PHKA2: variants seen among roughly 807,000 people sequenced by gnomAD.
The protein encoded by PHKA2 is phosphorylase b kinase regulatory subunit alpha, liver isoform.
PHKA2 carries 31 observed loss-of-function variants against 102.0 expected under a neutral mutation model. The observed-to-expected ratio is 0.30, with a 90% CI of 0.23 to 0.41. The LOEUF is 0.41. Among genes scored for constraint, PHKA2 ranks in the 10% least tolerant of loss-of-function variants. The pLI is 1.00. For missense variants in PHKA2, 858 were observed against 1,023.1 expected, an observed-to-expected ratio of 0.84 and a Z score of 2.20; for synonymous variants, 455 against 416.2, an observed-to-expected ratio of 1.09 and a Z score of -1.13.
intron 29 of PHKA2, among the ~76,000 whole-genome samples, chrX:18,898,726 T>C (rs900857939): frequency 3.6e-5 from 4 of 112,196 alleles, no homozygotes; most frequent in Non-Finnish European, 7.5e-5. Flanking sequence ...ATCCGGGCCC[T>C]CCAGTTTCAG....
chrX:18,976,626 T>C (rs775962351), intron 1 of PHKA2, among the ~76,000 whole-genome samples: 3 of 112,003 alleles, frequency 2.7e-5, no homozygotes, highest in African/African-American at 6.5e-5. Flanking sequence ...TCAATTTTAT[T>C]ATTATTGTTC....
chrX:18,957,655 T>C (rs1210450709), intron 1 of PHKA2, among the ~76,000 whole-genome samples: 1 of 107,945 alleles, frequency 9.3e-6, no homozygotes, highest in Non-Finnish European at 1.9e-5. Flanking sequence ...CTTGGTTCCC[T>C]CCTCCCCTCA....
chrX:18,904,409 T>A (rs758475863), intron 26 of PHKA2, among the ~76,000 whole-genome samples: 1 of 112,823 alleles, frequency 8.9e-6, no homozygotes, highest in East Asian at 2.8e-4. Context: ...AAAGACAGCA[T>A]GTCTTCTGCT....
chrX:18,983,845 C>T lies in PHKA2; in HGVS notation c.78+10G>A, dbSNP rs757929891. ...GTTCCACGCGTTCCCTGGGGGCGGT[C>T]CCTCCTTACCTGGTAACACAGGATG... On this transcript the variant is annotated intron_variant, in intron 1 of 32. Transcript: ENST00000379942. 1.2e-4 allele frequency: 140 copies of T among 1,199,951 alleles called. No homozygotes were observed. The highest frequency in any genetic ancestry group is 1.5e-4 in the Non-Finnish European group (135 of 885,386).
At chrX:18,899,935 C>T (rs1047853632) in intron 28 of PHKA2, among the ~76,000 whole-genome samples, 5 of 111,866 alleles carry the variant, frequency 4.5e-5, no homozygotes, top group African/African-American at 3.3e-5. Flanking sequence ...CCCCGTAACA[C>T]GCAAGAACAG....
chrX:18,918,311 GTACA>G (rs1336168217), intron 19 of PHKA2, among the ~76,000 whole-genome samples: 1 of 112,582 alleles, frequency 8.9e-6, no homozygotes, highest in Non-Finnish European at 1.9e-5. Flanking sequence ...AAATATTTGT[GTACA>G]TACAATGATA....
intron 5 of PHKA2, among the ~76,000 whole-genome samples, chrX:18,945,927 C>CT (rs947320262): frequency 1.9e-4 from 21 of 109,873 alleles, no homozygotes; most frequent in African/African-American, 5.3e-4. Flanking sequence ...TTCTTTTTTT[C>CT]TTTTTTTTTA....
Position 18,920,043 on chromosome X carries a change from G to T in PHKA2, c.1952C>A (p.Thr651Asn), listed in dbSNP as rs149991825. Reference protein sequence around the residue: ...DSDLVGYLEDTCNQESQDELD... With the variant: ...DSDLVGYLEDNCNQESQDELD... ...ATTCCAAGCTGTACCTTGATTACAG[G>T]TGTCTTCCAGATATCCTACCAAATC... Residue 651 changes from threonine to asparagine, a missense_variant, in exon 18 of 33, where the codon ACC (threonine) becomes AAC (asparagine). By Grantham distance (65) the Thr-to-Asn change is moderately conservative (BLOSUM62 0). Coordinates refer to ENST00000379942, the MANE Select transcript of PHKA2 (RefSeq NM_000292.3). 3.4e-3 allele frequency: 4,037 copies of T among 1,200,405 alleles called. 22 individuals carry two copies. The highest frequency in any genetic ancestry group is 0.025 in the Admixed American group (1,146 of 45,757).
At position 18,895,240 on chromosome X, in the gene PHKA2, GCACATGCATGCACA is replaced by G. The variant is rs766630197; in HGVS notation, c.3283-63_3283-50del. 2.8e-6 allele frequency: 3 copies of G among 1,065,381 alleles called. No homozygotes were observed. The Admixed American group carries it at 6.5e-5, about 23-fold the overall frequency. The allele number at this position is 1,065,381 out of a possible 1,213,427, so 87.8% of individuals were successfully genotyped here. A position where few individuals can be genotyped will look rare whatever the true frequency, so the allele number is the denominator to read the frequency against. ...TCAGTCAGATTCCAGAATGGGATAA[GCACATGCATGCACA>G]CACAGGCGTGCATGCACACACAGCA... On this transcript the variant is annotated intron_variant, in intron 30 of 32. Coordinates refer to ENST00000379942, the MANE Select transcript of PHKA2 (RefSeq NM_000292.3).
rs1240038528 is a variant in PHKA2, at chrX:18,893,293, ACTC to A, written c.*189_*191del. 2.1e-6 allele frequency: 1 copy of A among 479,437 alleles called. No homozygotes were observed. Among genetic ancestry groups the A allele is most frequent in the African/African-American group, 2.4e-5 (1 of 41,505 alleles). The allele number at this position is 479,437 out of a possible 1,213,427, so 39.5% of individuals were successfully genotyped here. ...GGTGCTCCTTGCGGGGGAACACAGGACTCCTCAGCTCTATCTCTGTGGCTTTAA... is the reference window on the plus strand; with the variant it reads ...GGTGCTCCTTGCGGGGGAACACAGGACTCAGCTCTATCTCTGTGGCTTTAA... On this transcript the variant is annotated 3_prime_UTR_variant, in exon 33 of 33. Transcript: ENST00000379942.
chrX:18,954,510 T>C, intron 1 of PHKA2, 98 bp from the exon 2 acceptor site: 2 of 861,212 alleles, frequency 2.3e-6, no homozygotes. Flanking sequence ...GACCGGGACC[T>C]GGAGCAGGGA....
intron 1 of PHKA2, among the ~76,000 whole-genome samples, chrX:18,977,386 C>T (rs1056205438): frequency 1.8e-5 from 2 of 111,937 alleles, no homozygotes; most frequent in African/African-American, 3.2e-5. Context: ...TGGTTCAGTG[C>T]GGAATTCTAT....
intron 1 of PHKA2, among the ~76,000 whole-genome samples, chrX:18,983,301 T>C (rs1047396655): frequency 2.7e-5 from 3 of 112,673 alleles, no homozygotes; most frequent in African/African-American, 9.7e-5. Flanking sequence ...CCTGTGAGCT[T>C]GGGAGCCTTT....
chrX:18,917,641 T>C, intron 19 of PHKA2, among the ~76,000 whole-genome samples: 1 of 111,823 alleles, frequency 8.9e-6, no homozygotes, highest in East Asian at 2.8e-4. Context: ...ATTTTTAAAA[T>C]GGCAAGGTTT....
chrX:18,899,278 C>A (rs762907331), intron 28 of PHKA2, 52 bp from the exon 29 acceptor site: 1 of 1,010,519 alleles, frequency 9.9e-7, no homozygotes, highest in Non-Finnish European at 1.4e-6. Context: ...CCAAGAGACA[C>A]AGCAGAGAGG....
In PHKA2 at chrX:18,895,128, C is replaced by A. The variant is rs2047513823; in HGVS notation, c.3336+10G>T. 4 of 1,209,530 alleles carry A rather than the reference C, an allele frequency of 3.3e-6. No individual in the cohort carries two copies. The Admixed American group carries it at 8.7e-5, about 26-fold the overall frequency. On this transcript the variant is annotated intron_variant, in intron 31 of 32. Transcript: ENST00000379942. Reference sequence around the variant, plus strand: ...CAGAGGGGCCCGCCTCTGCGTTTTTCTCATCGTACCTCTCGGGTCGTCGAG... The same window carrying A: ...CAGAGGGGCCCGCCTCTGCGTTTTTATCATCGTACCTCTCGGGTCGTCGAG...
In PHKA2 at chrX:18,895,457, C is replaced by T. The variant is rs145916909; in HGVS notation, c.3283-266G>A. 678 of 384,697 alleles carry T rather than the reference C, an allele frequency of 1.8e-3. 2 individuals carry two copies. The highest frequency in any genetic ancestry group is 0.015 in the African/African-American group (585 of 39,455). The allele number at this position is 384,697 out of a possible 1,213,427, so 31.7% of individuals were successfully genotyped here. On this transcript the variant is annotated intron_variant, in intron 30 of 32. Coordinates refer to ENST00000379942, the MANE Select transcript of PHKA2 (RefSeq NM_000292.3). ...GCCCTAGGGGGCTGCCGAGTCCTCCCGGGAGGCTCCGCATTGTACTTGGCA... is the reference window on the plus strand; with the variant it reads ...GCCCTAGGGGGCTGCCGAGTCCTCCTGGGAGGCTCCGCATTGTACTTGGCA...
intron 28 of PHKA2, 100 bp downstream of exon 28, chrX:18,900,570 C>T: frequency 2.5e-6 from 2 of 795,750 alleles, no homozygotes; most frequent in East Asian, 6.3e-5. Context: ...GATAGAGCCG[C>T]CCTCTACACA....
rs1263912959 is a variant in PHKA2, at chrX:18,899,273, A to G, written c.3058-47T>C. On this transcript the variant is annotated intron_variant, in intron 28 of 32. Coordinates refer to ENST00000379942, the MANE Select transcript of PHKA2 (RefSeq NM_000292.3). ...CTCAGTTGACAGCAATGACACCAAGAGACACAGCAGAGAGGAGGGTCATGG... is the reference window on the plus strand; with the variant it reads ...CTCAGTTGACAGCAATGACACCAAGGGACACAGCAGAGAGGAGGGTCATGG... The G allele has an allele frequency of 9.7e-6, 10 of 1,034,174 alleles. No homozygotes were observed. In the East Asian group the frequency reaches 3.0e-4, roughly 31 times the overall value. 85.2% of individuals were successfully genotyped at this position (1,034,174 alleles called of 1,213,427 possible).
Sources: allele counts gnomAD v4.1 joint callset (sites outside exome capture counted in the v4.1 genomes callset), GRCh38; gene constraint gnomAD v4.1.1; transcripts MANE v1.5; gene names NCBI Gene and HGNC (gene_info 2026-07-23, HGNC 2026-07-21).